The following ZDBF2 variants were observed in gnomAD, a reference collection of about 807,000 sequenced individuals.
ZDBF2 encodes the protein DBF4-type zinc finger-containing protein 2.
ZDBF2 carries 6 observed loss-of-function variants against 9.4 expected under a neutral mutation model. That is an observed-to-expected ratio of 0.64 (90% confidence interval 0.35 to 1.27). The LOEUF (loss-of-function observed/expected upper bound fraction) is 1.27. Among genes scored for constraint, ZDBF2 ranks in the 50% most tolerant of loss-of-function variants. The pLI, the probability that ZDBF2 is intolerant of heterozygous loss-of-function variation, is 0.03. For missense variants in ZDBF2, 2,697 were observed against 2,766.8 expected (o/e 0.97, Z 0.57); for synonymous variants, 905 against 946.3 (o/e 0.96, Z 0.80).
At chr2:206,281,426 A>G (rs549637504) in intron 2 of ZDBF2, among the ~76,000 whole-genome samples, 2 of 152,348 alleles carry the variant, frequency 1.3e-5, no homozygotes, top group African/African-American at 2.4e-5. Flanking sequence ...ATATGGAAAC[A>G]TGATGGGGAA....
chr2:206,288,340 A>G (rs1463660658), intron 3 of ZDBF2, among the ~76,000 whole-genome samples: 1 of 152,224 alleles, frequency 6.6e-6, no homozygotes, highest in African/African-American at 2.4e-5. Flanking sequence ...GTTCACCATC[A>G]GCAATAACTG....
In ZDBF2 at chr2:206,294,991, T is replaced by G. The variant is rs549180450; in HGVS notation, c.61-2255T>G. The stretch of plus-strand genomic sequence containing the variant: ...GATGGGTCCTGGACAGTGGAGAGTT[T>G]CGTAGCAGGATTTTGAAAGCATCAT... On this transcript the variant is annotated intron_variant, in intron 3 of 4. Coordinates refer to ENST00000374423, the MANE Select transcript of ZDBF2 (RefSeq NM_020923.3). Among the ~76,000 whole-genome samples, 4 of 152,284 alleles carry G rather than the reference T, an allele frequency of 2.6e-5. No homozygotes were observed. In the South Asian group the frequency reaches 8.3e-4, roughly 32 times the overall value.
chr2:206,311,118 C>T lies in ZDBF2; in HGVS notation c.6590C>T (p.Pro2197Leu), dbSNP rs764526353. The T allele has an allele frequency of 2.5e-6, 4 of 1,613,668 alleles. No homozygotes were observed. Among genetic ancestry groups the T allele is most frequent in the East Asian group, 4.5e-5 (2 of 44,878 alleles). The change falls in exon 5 of 5, where the codon CCA (proline) becomes CTA (leucine). Residue 2197 changes from proline to leucine, a missense_variant. Pro to Leu is a moderately conservative substitution (Grantham distance 98). Transcript: ENST00000374423. The stretch of plus-strand genomic sequence containing the variant: ...GGTTTTCCCAAAAAGGTTTATAAAC[C>T]AATTATTCTCCAGCAAAAACCCAGA... ...KLGFPKKVYK[P>L]IILQQKPRKA... is the part of the protein sequence containing the mutation.
At chr2:206,303,366 GTACC>G (rs1168523004) in intron 4 of ZDBF2, among the ~76,000 whole-genome samples, 1 of 151,692 alleles carries the variant, frequency 6.6e-6, no homozygotes, top group Non-Finnish European at 1.5e-5. Flanking sequence ...ATTTGCCTTA[GTACC>G]TAGCATAGTG....
At position 206,306,010 on chromosome 2, in the gene ZDBF2, G is replaced by C. The variant is rs139933444; in HGVS notation, c.1482G>C (p.Thr494=). ...DQSYESSSSE[T]NFDCDASPQS... ...GCTATGAATCTAGTAGTTCTGAAACGAATTTTGATTGTGATGCTTCACCTC... is the reference window on the plus strand; with the variant it reads ...GCTATGAATCTAGTAGTTCTGAAACCAATTTTGATTGTGATGCTTCACCTC... The change falls in exon 5 of 5, where the codon ACG becomes ACC. Residue 494 remains threonine, a synonymous_variant. Coordinates refer to ENST00000374423, the MANE Select transcript of ZDBF2 (RefSeq NM_020923.3). The C allele has an allele frequency of 5.6e-6, 9 of 1,613,176 alleles. No individual in the cohort carries two copies. The Admixed American group carries it at 1.0e-4, about 18-fold the overall frequency.
chr2:206,286,916 G>A (rs1278058808), intron 3 of ZDBF2, among the ~76,000 whole-genome samples: 2 of 152,034 alleles, frequency 1.3e-5, no homozygotes, highest in Non-Finnish European at 2.9e-5. Flanking sequence ...CTGTCTTATC[G>A]TTGCAGTTTG....
intron 3 of ZDBF2, among the ~76,000 whole-genome samples, chr2:206,290,347 T>A (rs991205067): frequency 6.6e-6 from 1 of 152,222 alleles, no homozygotes; most frequent in African/African-American, 2.4e-5. Flanking sequence ...TTCCTTGTAT[T>A]TCCATGTGAA....
At chr2:206,279,758 T>G (rs1318677128) in intron 2 of ZDBF2, among the ~76,000 whole-genome samples, 166 bp downstream of exon 2, 1 of 152,218 alleles carries the variant, frequency 6.6e-6, no homozygotes, top group Admixed American at 6.5e-5. Flanking sequence ...ACTTATGTTA[T>G]TGAGTCAACT....
chr2:206,309,377 A>C lies in ZDBF2; in HGVS notation c.4849A>C (p.Ser1617Arg), dbSNP rs747827175. Residue 1617 changes from serine (S) to arginine (R), a missense_variant, in exon 5 of 5, where the codon AGT (serine) becomes CGT (arginine). Physicochemically the swap from Ser to Arg is moderately radical, Grantham distance 110. Coordinates refer to ENST00000374423, the MANE Select transcript of ZDBF2 (RefSeq NM_020923.3). ...KKDYIILGEP[S>R]CQSCGSEMNF... ...GGACTATATTATTCTGGGAGAGCCA[A>C]GTTGTCAATCTTGTGGTTCTGAAAT... is the stretch of plus-strand genomic sequence containing the variant. The C allele has an allele frequency of 6.2e-7, 1 of 1,613,602 alleles. No individual in the cohort carries two copies. The highest frequency in any genetic ancestry group is 1.3e-5 in the African/African-American group (1 of 74,940).
At position 206,310,952 on chromosome 2, in the gene ZDBF2, A is replaced by C. The variant is rs780766239; in HGVS notation, c.6424A>C (p.Lys2142Gln). Residue 2142 changes from lysine (K) to glutamine (Q), a missense_variant, in exon 5 of 5, where the codon AAG becomes CAG. Physicochemically the swap from Lys to Gln is moderately conservative, Grantham distance 53. Coordinates refer to ENST00000374423, the MANE Select transcript of ZDBF2 (RefSeq NM_020923.3). The stretch of plus-strand genomic sequence containing the variant: ...GGTTCTGCATGCTCGTGAGCTTCCA[A>C]AGAAAAGAAATTTCCAGCTAACATT... ...SKVLHARELP[K>Q]KRNFQLTFLN... 36 of 1,613,640 alleles carry C rather than the reference A, an allele frequency of 2.2e-5. No individual in the cohort carries two copies. Among genetic ancestry groups the C allele is most frequent in the Non-Finnish European group, 3.1e-5 (36 of 1,179,726 alleles).
rs373887657 is a variant in ZDBF2, at chr2:206,295,940, A to G, written c.61-1306A>G. Reference sequence around the variant, plus strand: ...ATTTTAATTTTGTGTTTAAGTTGGGATTTTTAATTTCTGAAAGAAAATAAA... The same window carrying G: ...ATTTTAATTTTGTGTTTAAGTTGGGGTTTTTAATTTCTGAAAGAAAATAAA... On this transcript the variant is annotated intron_variant, in intron 3 of 4. Transcript: ENST00000374423. 1.9e-3 allele frequency among the ~76,000 whole-genome samples: 293 copies of G among 152,242 alleles called. 1 individual carries two copies. Among genetic ancestry groups the G allele is most frequent in the African/African-American group, 6.8e-3 (281 of 41,532 alleles).
intron 1 of ZDBF2, among the ~76,000 whole-genome samples, chr2:206,276,913 A>G (rs1054273290): frequency 2.6e-5 from 4 of 152,170 alleles, no homozygotes; most frequent in African/African-American, 9.7e-5. Flanking sequence ...TAATCCAGAA[A>G]AGGGGAAAAT....
At chr2:206,283,166 G>C (rs892656125) in intron 3 of ZDBF2, among the ~76,000 whole-genome samples, 4 of 152,202 alleles carry the variant, frequency 2.6e-5, no homozygotes, top group African/African-American at 9.7e-5. Flanking sequence ...GAATAGTGCT[G>C]CTATGGATAT....
chr2:206,279,781 A>G (rs1360934335), intron 2 of ZDBF2, among the ~76,000 whole-genome samples, 189 bp downstream of exon 2: 2 of 152,152 alleles, frequency 1.3e-5, no homozygotes, highest in East Asian at 3.9e-4. Flanking sequence ...CAGCAGAATC[A>G]CCTTGAGCAT....
In ZDBF2 at chr2:206,310,427, C is replaced by A; in HGVS notation, c.5899C>A (p.Pro1967Thr). ...KRKIIRQEED[P>T]PKSKCSRLQD... Reference sequence around the variant, plus strand: ...AAAAATAATTAGACAAGAGGAAGACCCACCAAAAAGTAAGTGTTCACGTTT... The same window carrying A: ...AAAAATAATTAGACAAGAGGAAGACACACCAAAAAGTAAGTGTTCACGTTT... Residue 1967 changes from proline (P) to threonine (T), a missense_variant, in exon 5 of 5, where the codon CCA becomes ACA. Coordinates refer to ENST00000374423, the MANE Select transcript of ZDBF2 (RefSeq NM_020923.3). 1 of 1,613,708 alleles carries A rather than the reference C, an allele frequency of 6.2e-7. No homozygotes were observed. The highest frequency in any genetic ancestry group is 8.5e-7 in the Non-Finnish European group (1 of 1,179,820).
At chr2:206,295,032 T>C (rs1250756098) in intron 3 of ZDBF2, among the ~76,000 whole-genome samples, 1 of 152,148 alleles carries the variant, frequency 6.6e-6, no homozygotes, top group Non-Finnish European at 1.5e-5. Context: ...AGATTGTTCC[T>C]GGGGCTAGGA....
chr2:206,283,644 C>T (rs1260908476), intron 3 of ZDBF2, among the ~76,000 whole-genome samples: 1 of 151,672 alleles, frequency 6.6e-6, no homozygotes, highest in African/African-American at 2.4e-5. Flanking sequence ...ATACTTTCTC[C>T]ATTCTGTGGG....
Position 206,307,395 on chromosome 2 carries a change from C to A in ZDBF2, c.2867C>A (p.Thr956Lys), listed in dbSNP as rs377460663. The change falls in exon 5 of 5, where the codon ACA becomes AAA. Residue 956 changes from threonine (T) to lysine (K), a missense_variant. By Grantham distance (78) the Thr-to-Lys change is moderately conservative (BLOSUM62 -1). Coordinates refer to ENST00000374423, the MANE Select transcript of ZDBF2 (RefSeq NM_020923.3). ...MYLENKSVFETSLDSDVPLQA... is the reference protein window; with the variant it reads ...MYLENKSVFEKSLDSDVPLQA... ...TTAGAAAATAAGAGTGTTTTTGAAACAAGTTTGGATTCTGATGTCCCTCTT... is the reference window on the plus strand; with the variant it reads ...TTAGAAAATAAGAGTGTTTTTGAAAAAAGTTTGGATTCTGATGTCCCTCTT... 8 of 1,612,740 alleles carry A rather than the reference C, an allele frequency of 5.0e-6. No homozygotes were observed. Among genetic ancestry groups the A allele is most frequent in the Non-Finnish European group, 5.9e-6 (7 of 1,179,624 alleles).
intron 3 of ZDBF2, among the ~76,000 whole-genome samples, chr2:206,288,233 T>C (rs1691698096): frequency 6.6e-6 from 1 of 152,224 alleles, no homozygotes; most frequent in South Asian, 2.1e-4. Context: ...AACTTTTACC[T>C]GCAGTTGGGC....
Sources: allele counts gnomAD v4.1 joint callset (sites outside exome capture counted in the v4.1 genomes callset), GRCh38; gene constraint gnomAD v4.1.1; transcripts MANE v1.5; gene names NCBI Gene and HGNC (gene_info 2026-07-23, HGNC 2026-07-21).